Variants in CABLES1 observed in about 807,000 individuals in gnomAD.
CABLES1 encodes CDK5 and ABL1 enzyme substrate 1.
CABLES1 carries 36 observed loss-of-function variants against 57.8 expected under a neutral mutation model. That is an observed-to-expected ratio of 0.62 (90% CI 0.48 to 0.82). The LOEUF (loss-of-function observed/expected upper bound fraction) is 0.82. Ranked by LOEUF, CABLES1 falls within the 40% of genes least tolerant of loss-of-function variation. The probability of loss-of-function intolerance (pLI) is 0.00; values close to 1 mark genes in which losing one functional copy is unlikely to be tolerated. For synonymous variants in CABLES1, 374 were observed against 363.0 expected, an observed-to-expected ratio of 1.03 and a Z score of -0.35; for missense variants, 767 against 836.6, an observed-to-expected ratio of 0.92 and a Z score of 1.03.
intron 1 of CABLES1, among the ~76,000 whole-genome samples, chr18:23,183,232 G>A (rs2047179702): frequency 6.6e-6 from 1 of 152,198 alleles, no homozygotes; most frequent in African/African-American, 2.4e-5. Flanking sequence ...CCAGCCACAG[G>A]TTCTTCTGTG....
At chr18:23,173,581 A>G (rs1210687230) in intron 1 of CABLES1, among the ~76,000 whole-genome samples, 1 of 152,200 alleles carries the variant, frequency 6.6e-6, no homozygotes, top group Non-Finnish European at 1.5e-5. Context: ...TTTTCCCAAC[A>G]TATGTTTTTC....
intron 3 of CABLES1, among the ~76,000 whole-genome samples, chr18:23,200,030 T>C (rs907787308): frequency 1.3e-5 from 2 of 152,104 alleles, no homozygotes; most frequent in African/African-American, 4.8e-5. Flanking sequence ...AAGTGCAGAC[T>C]CTAAACAAAG....
Position 23,245,131 on chromosome 18 carries a change from G to A in CABLES1, c.1447-7829G>A, listed in dbSNP as rs532412257. The stretch of plus-strand genomic sequence containing the variant: ...GCATTCACTTCACAGCATTGTTACC[G>A]TGGGCCAGGATGGGGCCCAAGTTCA... On this transcript the variant is annotated intron_variant, in intron 7 of 9. Transcript: ENST00000256925. 2.3e-3 allele frequency among the ~76,000 whole-genome samples: 351 copies of A among 152,248 alleles called. 3 individuals are homozygous for A. Among genetic ancestry groups the A allele is most frequent in the Middle Eastern group, 0.017 (5 of 294 alleles).
chr18:23,206,613 C>A (rs892907773), intron 3 of CABLES1, among the ~76,000 whole-genome samples: 23 of 152,234 alleles, frequency 1.5e-4, no homozygotes, highest in Non-Finnish European at 3.2e-4. Flanking sequence ...TTGGACTTCT[C>A]AAAAGTGGCC....
At chr18:23,188,003 T>G (rs2047214897) in intron 1 of CABLES1, among the ~76,000 whole-genome samples, 1 of 152,246 alleles carries the variant, frequency 6.6e-6, no homozygotes, top group South Asian at 2.1e-4. Context: ...TAGTTCCGTT[T>G]TAAGGAACAA....
At chr18:23,163,334 G>C (rs1443678667) in intron 1 of CABLES1, among the ~76,000 whole-genome samples, 1 of 152,134 alleles carries the variant, frequency 6.6e-6, no homozygotes, top group Non-Finnish European at 1.5e-5. Context: ...TGGAAAAACA[G>C]GTTTAGGCAT....
chr18:23,180,534 A>G (rs1282986750), intron 1 of CABLES1, among the ~76,000 whole-genome samples: 1 of 152,102 alleles, frequency 6.6e-6, no homozygotes, highest in Non-Finnish European at 1.5e-5. Context: ...ATTTATTTGT[A>G]GAGACAGGGT....
chr18:23,172,092 T>C (rs944891205), intron 1 of CABLES1, among the ~76,000 whole-genome samples: 1 of 152,190 alleles, frequency 6.6e-6, no homozygotes, highest in East Asian at 1.9e-4. Flanking sequence ...GGCTAACTTT[T>C]TGTGTATTTT....
At chr18:23,177,549 G>A (rs1443424518) in intron 1 of CABLES1, among the ~76,000 whole-genome samples, 1 of 152,140 alleles carries the variant, frequency 6.6e-6, no homozygotes, top group Non-Finnish European at 1.5e-5. Context: ...GGTCCTCCTG[G>A]AGCCAAGCCT....
rs138049352 is a variant in CABLES1 at position 23,193,962 on chromosome 18, T to C, written c.918-486T>C. Among the ~76,000 whole-genome samples, 22 of 152,338 alleles carry C rather than the reference T, an allele frequency of 1.4e-4. No individual in the cohort carries two copies. In the East Asian group the frequency reaches 3.5e-3, roughly 24 times the overall value. On this transcript the variant is annotated intron_variant, in intron 2 of 9. Transcript: ENST00000256925. ...GACCTCCCAGGCATAGCAGGTCAAG[T>C]TGAAACTTAAGACAGCTGTCCAGGT...
intron 1 of CABLES1, among the ~76,000 whole-genome samples, chr18:23,150,239 T>C (rs113493317): frequency 0.021 from 2,850 of 135,958 alleles, 76 homozygotes; most frequent in African/African-American, 0.064. Context: ...GACGGAGTCT[T>C]GCTCTGTCAC....
chr18:23,143,891 T>C (rs1011650919), intron 1 of CABLES1, among the ~76,000 whole-genome samples: 1 of 152,210 alleles, frequency 6.6e-6, no homozygotes, highest in Admixed American at 6.5e-5. Context: ...CAGTCTTAAA[T>C]TCCTGGTATT....
intron 4 of CABLES1, among the ~76,000 whole-genome samples, chr18:23,229,361 G>A (rs1349341052): frequency 2.0e-5 from 3 of 152,112 alleles, no homozygotes; most frequent in African/African-American, 4.8e-5. Context: ...GCAGTGAGCC[G>A]AGATCGCACC....
intron 1 of CABLES1, among the ~76,000 whole-genome samples, chr18:23,171,239 T>G (rs1598810136): frequency 6.6e-6 from 1 of 152,322 alleles, no homozygotes; most frequent in South Asian, 2.1e-4. Flanking sequence ...CACCAGTCAG[T>G]GCGCCTTTGT....
intron 3 of CABLES1, among the ~76,000 whole-genome samples, chr18:23,195,776 G>A (rs998953778): frequency 1.3e-5 from 2 of 150,748 alleles, no homozygotes; most frequent in Admixed American, 6.6e-5. Flanking sequence ...CCTTTTTTTC[G>A]CTGACACTTA....
At chr18:23,222,817 GGTCCTGCTTCTCTCCAAGTGACTCT>G (rs909857683) in intron 4 of CABLES1, among the ~76,000 whole-genome samples, 1 of 152,028 alleles carries the variant, frequency 6.6e-6, no homozygotes, top group Admixed American at 6.6e-5. Context: ...TGGACCTCAG[GGTCCTGCTTCTCTCCAAGTGACTCT>G]GTCCCACCCA....
chr18:23,136,310 C>T lies in CABLES1; in HGVS notation c.548C>T (p.Pro183Leu), dbSNP rs2046820527. 2.1e-6 allele frequency: 3 copies of T among 1,399,528 alleles called. No individual in the cohort carries two copies. The highest frequency in any genetic ancestry group is 1.8e-6 in the Non-Finnish European group (2 of 1,082,838). The allele number at this position is 1,399,528 out of a possible 1,614,324, so 86.7% of individuals were successfully genotyped here. ...GCGTCGGGGGAGCAGTGGCAGCCGCCCCGGCCGGCGCCTCTCGCCGCCTGT... is the reference window on the plus strand; with the variant it reads ...GCGTCGGGGGAGCAGTGGCAGCCGCTCCGGCCGGCGCCTCTCGCCGCCTGT... ...GRASGEQWQP[P>L]RPAPLAACAQ... The change falls in exon 1 of 10, where the codon CCC (proline) becomes CTC (leucine). Residue 183 changes from proline (P) to leucine (L), a missense_variant. By Grantham distance (98) the Pro-to-Leu change is moderately conservative (BLOSUM62 -3). Around this residue, in one of 4 missense-constraint regions of CABLES1, gnomAD observed 529 missense variants for 622.8 expected, o/e 0.85. Transcript: ENST00000256925.
chr18:23,235,093 C>T (rs1162827199), intron 5 of CABLES1, among the ~76,000 whole-genome samples: 2 of 152,132 alleles, frequency 1.3e-5, no homozygotes, highest in Non-Finnish European at 2.9e-5. Flanking sequence ...CTAAGAGACC[C>T]TCAGTCTTAC....
At chr18:23,169,597 G>T (rs1045582607) in intron 1 of CABLES1, among the ~76,000 whole-genome samples, 3 of 152,166 alleles carry the variant, frequency 2.0e-5, no homozygotes, top group African/African-American at 4.8e-5. Context: ...CTCAACCAAG[G>T]CATTAAACCC....
Sources: gnomAD v4.1 joint callset for allele counts (sites outside exome capture counted in the v4.1 genomes callset) on GRCh38, gnomAD v4.1.1 for gene constraint, gnomAD v4.1.1 regional missense constraint, MANE v1.5 for transcripts, NCBI Gene and HGNC (gene_info 2026-07-23, HGNC 2026-07-21) for gene names.